Variants in FOXN3 observed in about 807,000 individuals in gnomAD.
FOXN3 encodes the protein forkhead box protein N3.
FOXN3 carries 7 observed loss-of-function variants against 38.4 expected under a neutral mutation model. The observed-to-expected ratio is 0.18, with a 90% confidence interval of 0.10 to 0.34. The LOEUF is 0.34. Ranked by LOEUF, FOXN3 falls within the 10% of genes least tolerant of loss-of-function variation. The probability of loss-of-function intolerance (pLI) is 1.00; values close to 1 mark genes in which losing one functional copy is unlikely to be tolerated. For synonymous variants in FOXN3, 230 were observed against 242.2 expected (o/e 0.95, Z 0.47); for missense variants, 456 against 613.4 (o/e 0.74, Z 2.71).
intron 1 of FOXN3, among the ~76,000 whole-genome samples, chr14:89,489,771 T>C (rs556695764): frequency 6.6e-6 from 1 of 152,326 alleles, no homozygotes; most frequent in South Asian, 2.1e-4. Context: ...AGGCTAACTC[T>C]GGGCAGAAGA....
intron 4 of FOXN3, among the ~76,000 whole-genome samples, chr14:89,240,024 C>T (rs2139865166): frequency 6.6e-6 from 1 of 152,306 alleles, no homozygotes; most frequent in Admixed American, 6.5e-5. Flanking sequence ...GTCAAAGCTC[C>T]ACTCTGTGTG....
chr14:89,559,725 G>T (rs959661405), intron 1 of FOXN3, among the ~76,000 whole-genome samples: 2 of 152,120 alleles, frequency 1.3e-5, no homozygotes, highest in Admixed American at 1.3e-4. Flanking sequence ...AAAAGAACTT[G>T]TTTGTAAAAA....
intron 3 of FOXN3, chr14:89,290,166 T>C: frequency 5.2e-6 from 1 of 193,632 alleles, no homozygotes; most frequent in South Asian, 9.4e-5. Flanking sequence ...TGCTACTTTT[T>C]TATTTGTTTG....
intron 3 of FOXN3, among the ~76,000 whole-genome samples, chr14:89,311,918 C>A (rs1201887096): frequency 6.6e-6 from 1 of 152,144 alleles, no homozygotes; most frequent in African/African-American, 2.4e-5. Context: ...AACGAGTGTA[C>A]TATAAATGCA....
At chr14:89,616,551 C>A (rs1896498382) in intron 1 of FOXN3, among the ~76,000 whole-genome samples, 1 of 148,998 alleles carries the variant, frequency 6.7e-6, no homozygotes, top group Non-Finnish European at 1.5e-5. Context: ...CACACAAACG[C>A]AGCCTTCAAA....
intron 4 of FOXN3, among the ~76,000 whole-genome samples, chr14:89,198,276 T>C (rs2139816204): frequency 6.6e-6 from 1 of 152,310 alleles, no homozygotes; most frequent in East Asian, 1.9e-4. Flanking sequence ...GTATTATAAG[T>C]AACCTAGAGA....
chr14:89,324,004 G>A (rs1341304043), intron 3 of FOXN3, among the ~76,000 whole-genome samples: 1 of 152,102 alleles, frequency 6.6e-6, no homozygotes, highest in Non-Finnish European at 1.5e-5. Context: ...GGTGCCCTGG[G>A]CAACTCCTCA....
At chr14:89,185,209 G>A (rs1269913642) in intron 4 of FOXN3, among the ~76,000 whole-genome samples, 2 of 151,844 alleles carry the variant, frequency 1.3e-5, no homozygotes, top group African/African-American at 4.9e-5. Context: ...GATGGCGGAT[G>A]TGCTCGTGTT....
intron 2 of FOXN3, among the ~76,000 whole-genome samples, chr14:89,398,550 G>A (rs1173701872): frequency 6.6e-6 from 1 of 152,174 alleles, no homozygotes. Flanking sequence ...AGGCACCATG[G>A]AGATGACAAG....
chr14:89,553,107 C>T (rs576747031), intron 1 of FOXN3, among the ~76,000 whole-genome samples: 17 of 152,022 alleles, frequency 1.1e-4, no homozygotes, highest in African/African-American at 4.1e-4. Flanking sequence ...GGCATGGTGG[C>T]GTGTGCCTGT....
intron 1 of FOXN3, among the ~76,000 whole-genome samples, chr14:89,538,387 T>C (rs1287414235): frequency 6.6e-6 from 1 of 152,194 alleles, no homozygotes; most frequent in Non-Finnish European, 1.5e-5. Flanking sequence ...AACAGGGCAC[T>C]GATATTCCTG....
chr14:89,320,897 G>T (rs1181136601), intron 3 of FOXN3, among the ~76,000 whole-genome samples: 1 of 152,296 alleles, frequency 6.6e-6, no homozygotes, highest in East Asian at 1.9e-4. Flanking sequence ...ATGGCTGCGC[G>T]ATTCTCACCC....
intron 1 of FOXN3, among the ~76,000 whole-genome samples, chr14:89,536,757 G>A (rs553322948): frequency 2.6e-5 from 4 of 151,452 alleles, no homozygotes; most frequent in African/African-American, 9.7e-5. Context: ...CAGCCTGGGC[G>A]ACAGAGCAAG....
intron 1 of FOXN3, among the ~76,000 whole-genome samples, chr14:89,551,461 C>G (rs1895004165): frequency 6.6e-6 from 1 of 152,178 alleles, no homozygotes; most frequent in African/African-American, 2.4e-5. Context: ...CCCAACACCA[C>G]TAGATCACTA....
intron 1 of FOXN3, among the ~76,000 whole-genome samples, chr14:89,602,107 G>A (rs1896164013): frequency 6.6e-6 from 1 of 152,088 alleles, no homozygotes; most frequent in South Asian, 2.1e-4. Flanking sequence ...TGGTCAACAT[G>A]GAGAAAGCCC....
At position 89,280,943 on chromosome 14, in the gene FOXN3, G is replaced by A. The variant is rs1473282043; in HGVS notation, c.745+7C>T. The A allele has an allele frequency of 1.2e-6, 2 of 1,612,832 alleles. No homozygotes were observed. The highest frequency in any genetic ancestry group is 1.7e-5 in the Admixed American group (1 of 59,962). ...AGGGAGAGGAAGGGGTGTTACTAGGGACCTACCTTGGAGAAGGGCTCCATT... is the reference window on the plus strand; with the variant it reads ...AGGGAGAGGAAGGGGTGTTACTAGGAACCTACCTTGGAGAAGGGCTCCATT... On this transcript the variant is annotated splice_region_variant and intron_variant, in intron 4 of 5. Transcript: ENST00000557258.
intron 2 of FOXN3, among the ~76,000 whole-genome samples, chr14:89,372,068 C>T (rs1241632543): frequency 6.6e-6 from 1 of 151,950 alleles, no homozygotes; most frequent in Non-Finnish European, 1.5e-5. Context: ...TGTCTTCTGC[C>T]AGGACCGTGA....
At chr14:89,346,473 T>C (rs569347474) in intron 3 of FOXN3, among the ~76,000 whole-genome samples, 21 of 152,300 alleles carry the variant, frequency 1.4e-4, no homozygotes, top group African/African-American at 5.1e-4. Context: ...TTTTGTAGAA[T>C]GTCCCTGCTG....
At chr14:89,259,397 T>C (rs1413075940) in intron 4 of FOXN3, among the ~76,000 whole-genome samples, 1 of 152,200 alleles carries the variant, frequency 6.6e-6, no homozygotes, top group African/African-American at 2.4e-5. Context: ...CTCTTTGCTC[T>C]GGTCACTAGG....
Sources: allele counts gnomAD v4.1 joint callset (sites outside exome capture counted in the v4.1 genomes callset), GRCh38; gene constraint gnomAD v4.1.1; transcripts MANE v1.5; gene names NCBI Gene and HGNC (gene_info 2026-07-23, HGNC 2026-07-21).